FRZB: variants seen among roughly 807,000 people sequenced by gnomAD.
FRZB encodes the protein frizzled related protein.
FRZB carries 34 observed loss-of-function variants against 32.5 expected under a neutral mutation model. The observed-to-expected ratio is 1.05, with a 90% confidence interval of 0.80 to 1.39. The LOEUF (loss-of-function observed/expected upper bound fraction) is 1.39. Among genes scored for constraint, FRZB ranks in the 40% most tolerant of loss-of-function variants. The pLI, the probability that FRZB is intolerant of heterozygous loss-of-function variation, is 0.00. For missense variants in FRZB, 423 were observed against 424.8 expected, an observed-to-expected ratio of 1.00 and a Z score of 0.04; for synonymous variants, 170 against 159.2, an observed-to-expected ratio of 1.07 and a Z score of -0.51.
At chr2:182,847,220 A>C (rs1695654480) in intron 2 of FRZB, among the ~76,000 whole-genome samples, 1 of 152,236 alleles carries the variant, frequency 6.6e-6, no homozygotes, top group African/African-American at 2.4e-5. Flanking sequence ...ATATAACTTA[A>C]TGACCTAAAC....
chr2:182,866,376 G>A lies in FRZB; in HGVS notation c.177C>T (p.His59=). 1 of 1,613,244 alleles carries A rather than the reference G, an allele frequency of 6.2e-7. No individual in the cohort carries two copies. Among genetic ancestry groups the A allele is most frequent in the Non-Finnish European group, 8.5e-7 (1 of 1,179,286 alleles). The change falls in exon 1 of 6, where the codon CAC becomes CAT. Residue 59 remains histidine (H), a synonymous_variant. Coordinates refer to ENST00000295113, the MANE Select transcript of FRZB (RefSeq NM_001463.4). The surrounding 1 kb of genome is among the most constrained non-coding windows in gnomAD (Gnocchi z 4.5). ...NMTKMPNHLH[H]STQANAILAI... is the part of the protein sequence containing the mutation. Reference sequence around the variant, plus strand: ...CCAGGATGGCGTTGGCCTGAGTGCTGTGGTGCAGGTGGTTGGGCATCTTAG... The same window carrying A: ...CCAGGATGGCGTTGGCCTGAGTGCTATGGTGCAGGTGGTTGGGCATCTTAG...
In FRZB at chr2:182,866,223, A is replaced by G; in HGVS notation, c.330T>C (p.Ser110=). ...FQHEPIKPCK[S]VCERARQGCE... is the part of the protein sequence containing the mutation. ...AGCCCTGCCGGGCCCGCTCGCACACAGACTTACAGGGCTTGATGGGCTCGT... is the reference window on the plus strand; with the variant it reads ...AGCCCTGCCGGGCCCGCTCGCACACGGACTTACAGGGCTTGATGGGCTCGT... Residue 110 remains serine, a synonymous_variant, in exon 1 of 6, where the codon TCT becomes TCC. Transcript: ENST00000295113. The surrounding 1 kb of genome is among the most constrained non-coding windows in gnomAD (Gnocchi z 4.5). 3 of 1,614,150 alleles carry G rather than the reference A, an allele frequency of 1.9e-6. No individual in the cohort carries two copies. Among genetic ancestry groups the G allele is most frequent in the Non-Finnish European group, 2.5e-6 (3 of 1,180,022 alleles).
rs756452438 is a variant in FRZB at position 182,858,802 on chromosome 2, A to G, written c.510T>C (p.Cys170=). ...DFPMDSSNGN[C]RGASSERCKC... ...TATACTCACCACTGCTTGCCCCTCT[A>G]CAGTTTCCGTTACTAGAATCCATAG... Residue 170 remains cysteine (C), a synonymous_variant, in exon 2 of 6, where the codon TGT becomes TGC. Coordinates refer to ENST00000295113, the MANE Select transcript of FRZB (RefSeq NM_001463.4). 18 of 1,610,886 alleles carry G rather than the reference A, an allele frequency of 1.1e-5. No homozygotes were observed. The highest frequency in any genetic ancestry group is 1.5e-5 in the Non-Finnish European group (18 of 1,177,820).
intron 3 of FRZB, 23 bp from the exon 4 acceptor site, chr2:182,838,636 C>T: frequency 1.3e-6 from 2 of 1,597,532 alleles, no homozygotes; most frequent in Non-Finnish European, 1.7e-6. Context: ...ACAAGAAAAG[C>T]TGATAATAAT....
intron 2 of FRZB, among the ~76,000 whole-genome samples, chr2:182,845,611 C>G (rs1235653288): frequency 3.9e-5 from 6 of 152,118 alleles, no homozygotes; most frequent in African/African-American, 1.2e-4. Flanking sequence ...ACAAAATAGG[C>G]TAAGTAGTGA....
At position 182,834,883 on chromosome 2, in the gene FRZB, C is replaced by T. The variant is rs1695506797; in HGVS notation, c.944G>A (p.Gly315Asp). Residue 315 changes from glycine to aspartate, a missense_variant, in exon 6 of 6, where the codon GGC becomes GAC. Coordinates refer to ENST00000295113, the MANE Select transcript of FRZB (RefSeq NM_001463.4). ...NSDSTQSQKS[G>D]RNSNPRQARN ...TGCTTGCCGGGGGTTCGAGTTCCTG[C>T]CAGACTTCTGACTCTGAGTGGAATC... 3.1e-6 allele frequency: 5 copies of T among 1,613,452 alleles called. No homozygotes were observed. The highest frequency in any genetic ancestry group is 4.2e-6 in the Non-Finnish European group (5 of 1,179,632).
chr2:182,846,432 T>G (rs1695641323), intron 2 of FRZB, among the ~76,000 whole-genome samples: 1 of 152,142 alleles, frequency 6.6e-6, no homozygotes, highest in Non-Finnish European at 1.5e-5. Flanking sequence ...TATTTTTCTG[T>G]TTTTTCTAGG....
At chr2:182,850,492 T>C (rs1695698496) in intron 2 of FRZB, among the ~76,000 whole-genome samples, 1 of 152,226 alleles carries the variant, frequency 6.6e-6, no homozygotes, top group Non-Finnish European at 1.5e-5. Context: ...TTGGTCTTTC[T>C]GGGCTTGGCT....
At chr2:182,851,629 C>T (rs1695711246) in intron 2 of FRZB, among the ~76,000 whole-genome samples, 1 of 151,490 alleles carries the variant, frequency 6.6e-6, no homozygotes, top group South Asian at 2.1e-4. Flanking sequence ...GCACTCCAGC[C>T]TGAGCAACAG....
intron 3 of FRZB, among the ~76,000 whole-genome samples, 188 bp downstream of exon 3, chr2:182,842,290 G>A (rs1013930942): frequency 6.6e-6 from 1 of 152,150 alleles, no homozygotes; most frequent in Non-Finnish European, 1.5e-5. Context: ...CAAGTGTTAA[G>A]CATTTTGCCC....
intron 1 of FRZB, among the ~76,000 whole-genome samples, chr2:182,864,726 A>G (rs1038910071): frequency 2.4e-4 from 37 of 152,188 alleles, no homozygotes; most frequent in Non-Finnish European, 2.9e-5. Context: ...TTCCAAATCA[A>G]TTTCCCGATA....
rs1280538301 is a variant in FRZB, at chr2:182,844,852, A to G, written c.527-2309T>C. On this transcript the variant is annotated intron_variant, in intron 2 of 5. Coordinates refer to ENST00000295113, the MANE Select transcript of FRZB (RefSeq NM_001463.4). Reference sequence around the variant, plus strand: ...GAGCTAAGCAAATATTCTCGGGACTAAATTTTGCTCATCTGCAATATACTT... The same window carrying G: ...GAGCTAAGCAAATATTCTCGGGACTGAATTTTGCTCATCTGCAATATACTT... Among the ~76,000 whole-genome samples the G allele has an allele frequency of 2.6e-5, 4 of 152,312 alleles. No individual in the cohort carries two copies. In the South Asian group the frequency reaches 6.2e-4, roughly 24 times the overall value.
chr2:182,841,531 A>G (rs1358909406), intron 3 of FRZB, among the ~76,000 whole-genome samples: 2 of 152,184 alleles, frequency 1.3e-5, no homozygotes, highest in Non-Finnish European at 2.9e-5. Context: ...CAACATCAAT[A>G]GTCTTATGCA....
chr2:182,858,011 G>C (rs1289912927), intron 2 of FRZB, among the ~76,000 whole-genome samples: 1 of 151,918 alleles, frequency 6.6e-6, no homozygotes, highest in African/African-American at 2.4e-5. Flanking sequence ...TAATACCAAG[G>C]GCTCGCAAAG....
At position 182,837,773 on chromosome 2, in the gene FRZB, A is replaced by G. The variant is rs1050168178; in HGVS notation, c.861+175T>C. On this transcript the variant is annotated intron_variant, in intron 5 of 5. Transcript: ENST00000295113. ...CACATACAGGGAACTCATTCCTTAAATAAAATAGACATTAAAGACAAATTC... is the reference window on the plus strand; with the variant it reads ...CACATACAGGGAACTCATTCCTTAAGTAAAATAGACATTAAAGACAAATTC... 2.0e-5 allele frequency among the ~76,000 whole-genome samples: 3 copies of G among 152,066 alleles called. No homozygotes were observed. The South Asian group carries it at 6.2e-4, about 31-fold the overall frequency.
chr2:182,848,766 T>A (rs951780745), intron 2 of FRZB, among the ~76,000 whole-genome samples: 1 of 152,114 alleles, frequency 6.6e-6, no homozygotes, highest in Non-Finnish European at 1.5e-5. Context: ...TGCACAGAAC[T>A]CAAAGTCTCA....
At chr2:182,836,944 G>A (rs1695531892) in intron 5 of FRZB, among the ~76,000 whole-genome samples, 2 of 152,002 alleles carry the variant, frequency 1.3e-5, no homozygotes, top group Non-Finnish European at 1.5e-5. Flanking sequence ...AAACCCAAAC[G>A]TGTCTGCCGT....
chr2:182,842,414 T>C (rs867228255), intron 3 of FRZB, 64 bp downstream of exon 3: 39 of 1,111,236 alleles, frequency 3.5e-5, no homozygotes, highest in Non-Finnish European at 4.5e-5. Flanking sequence ...CACATCCTCA[T>C]AGGTGCATCC....
chr2:182,862,875 T>C (rs1419464046), intron 1 of FRZB, among the ~76,000 whole-genome samples: 2 of 151,802 alleles, frequency 1.3e-5, no homozygotes, highest in African/African-American at 2.4e-5. Flanking sequence ...TTCAAGTGAG[T>C]CCCTTGCCTC....
Sources: gnomAD v4.1 joint callset for allele counts (sites outside exome capture counted in the v4.1 genomes callset) on GRCh38, gnomAD v4.1.1 for gene constraint, Gnocchi (gnomAD v3.1) non-coding constraint, MANE v1.5 for transcripts, NCBI Gene and HGNC (gene_info 2026-07-23, HGNC 2026-07-21) for gene names.